PPIL2: variants seen among roughly 807,000 people sequenced by gnomAD.
The protein encoded by PPIL2 is RING-type E3 ubiquitin-protein ligase PPIL2.
Under a neutral mutation model 75.2 loss-of-function variants are expected in PPIL2, and 50 were observed. The ratio of observed to expected loss-of-function variants is 0.66; its 90% CI spans 0.53 to 0.84. The LOEUF is 0.84. PPIL2 is among the 40% of genes least tolerant of loss of function. The pLI is 0.00. For missense variants in PPIL2, 590 were observed against 685.0 expected (o/e 0.86, Z 1.55); for synonymous variants, 245 against 258.8 (o/e 0.95, Z 0.51).
rs2067897894 is a variant in PPIL2, at chr22:21,695,699, C to G, written c.*209C>G. ...AGGGCCTTGGCCCTGTTTCCAGGAC[C>G]TGGCCCAGCCAGAGCCCACTGCTGG... On this transcript the variant is annotated 3_prime_UTR_variant, in exon 20 of 20. Transcript: ENST00000398831. 1 of 1,378,752 alleles carries G rather than the reference C, an allele frequency of 7.3e-7. No individual in the cohort carries two copies. Among genetic ancestry groups the G allele is most frequent in the African/African-American group, 1.5e-5 (1 of 68,214 alleles). 85.4% of individuals were successfully genotyped at this position (1,378,752 alleles called of 1,614,324 possible). A position where few individuals can be genotyped will look rare whatever the true frequency, so the allele number is the denominator to read the frequency against.
At chr22:21,686,673 G>T in intron 11 of PPIL2, 115 bp downstream of exon 11, 3 of 1,160,900 alleles carry the variant, frequency 2.6e-6, no homozygotes, top group Non-Finnish European at 3.8e-6. Context: ...TGTCACCTGA[G>T]CCCCTAGTCC....
Position 21,693,844 on chromosome 22 carries a change from C to T in PPIL2, c.1168C>T (p.Leu390=). Residue 390 remains leucine, a synonymous_variant, in exon 16 of 20, where the codon CTG becomes TTG. Coordinates refer to ENST00000398831, the MANE Select transcript of PPIL2 (RefSeq NM_014337.4). ...FFITFRSCAY[L]DKKHTIFGRV... ...CATCACGTTTCGCTCCTGTGCCTAC[C>T]TGGACAAGAAGCATACCATCTTTGG... 6.5e-7 allele frequency: 1 copy of T among 1,548,684 alleles called. No individual in the cohort carries two copies. Among genetic ancestry groups the T allele is most frequent in the Admixed American group, 1.7e-5 (1 of 59,910 alleles).
At chr22:21,669,013 CTATTTT>C (rs2066512235) in intron 1 of PPIL2, among the ~76,000 whole-genome samples, 1 of 67,254 alleles carries the variant, frequency 1.5e-5, no homozygotes, top group African/African-American at 5.3e-5. Context: ...GCCTGGCCCT[CTATTTT>C]TTTTTTTTTT....
chr22:21,693,812 C>T lies in PPIL2; in HGVS notation c.1140-4C>T, dbSNP rs1362899323. ...CTCCCTAACCATCCAGCCCTCCTCC[C>T]CAGCTTCATCACGTTTCGCTCCTGT... On this transcript the variant is annotated splice_region_variant and splice_polypyrimidine_tract_variant and intron_variant, in intron 15 of 19. Transcript: ENST00000398831. 9.1e-6 allele frequency: 14 copies of T among 1,535,534 alleles called. No individual in the cohort carries two copies. Among genetic ancestry groups the T allele is most frequent in the Non-Finnish European group, 1.1e-5 (12 of 1,108,640 alleles).
rs139227107 is a variant in PPIL2 at position 21,675,355 on chromosome 22, G to A, written c.295+240G>A. Among the ~76,000 whole-genome samples, 644 of 152,280 alleles carry A rather than the reference G, an allele frequency of 4.2e-3. 6 individuals carry two copies. The highest frequency in any genetic ancestry group is 0.015 in the African/African-American group (610 of 41,562). ...GATTGAGACCATCCTGGCCAACATG[G>A]TAAAACCCCGTTTCTACTAAAAATA... On this transcript the variant is annotated intron_variant, in intron 6 of 19. Coordinates refer to ENST00000398831, the MANE Select transcript of PPIL2 (RefSeq NM_014337.4).
At chr22:21,677,853 G>T (rs1008226572) in intron 6 of PPIL2, among the ~76,000 whole-genome samples, 7 of 152,178 alleles carry the variant, frequency 4.6e-5, no homozygotes, top group African/African-American at 1.7e-4. Context: ...GAGGCTGCTT[G>T]TGTGTGTAGA....
Position 21,695,579 on chromosome 22 carries a change from T to G in PPIL2, c.*89T>G. On this transcript the variant is annotated 3_prime_UTR_variant, in exon 20 of 20. Coordinates refer to ENST00000398831, the MANE Select transcript of PPIL2 (RefSeq NM_014337.4). ...CATTTCCAGCCTTTCTAGCCTGCCC[T>G]CTGCTGCCAGCCAATAAATTGCTTG... 1 of 1,533,950 alleles carries G rather than the reference T, an allele frequency of 6.5e-7. No homozygotes were observed. Among genetic ancestry groups the G allele is most frequent in the Non-Finnish European group, 8.8e-7 (1 of 1,138,788 alleles).
At position 21,697,195 on chromosome 22, in the gene PPIL2, G is replaced by A; in HGVS notation, c.*1705G>A. ...GGGCCTGCAGAGGAGGGGCACAGTA[G>A]GACACAGTGACTGCCCAGGTGTCCA... is the stretch of plus-strand genomic sequence containing the variant. On this transcript the variant is annotated 3_prime_UTR_variant, in exon 20 of 20. Coordinates refer to ENST00000398831, the MANE Select transcript of PPIL2 (RefSeq NM_014337.4). 1 of 596,268 alleles carries A rather than the reference G, an allele frequency of 1.7e-6. No homozygotes were observed. The highest frequency in any genetic ancestry group is 3.0e-6 in the Non-Finnish European group (1 of 338,430). The allele number at this position is 596,268 out of a possible 1,614,324, so 36.9% of individuals were successfully genotyped here.
chr22:21,695,774 TCCC>T lies in PPIL2; in HGVS notation c.*286_*288del, dbSNP rs2067901389. ...TACACCCAGGCTGGTGCCTCAGGCC[TCCC>T]CTCTAGTAGGCAGGCCAGGTTAGTG... On this transcript the variant is annotated 3_prime_UTR_variant, in exon 20 of 20. Coordinates refer to ENST00000398831, the MANE Select transcript of PPIL2 (RefSeq NM_014337.4). 7.8e-7 allele frequency: 1 copy of T among 1,283,200 alleles called. No individual in the cohort carries two copies. Among genetic ancestry groups the T allele is most frequent in the South Asian group, 1.6e-5 (1 of 62,872 alleles). The allele number at this position is 1,283,200 out of a possible 1,614,324, so 79.5% of individuals were successfully genotyped here.
chr22:21,668,176 A>T (rs200713364), intron 1 of PPIL2, among the ~76,000 whole-genome samples: 1 of 147,316 alleles, frequency 6.8e-6, no homozygotes, highest in Non-Finnish European at 1.5e-5. Flanking sequence ...AAGTCCCCCC[A>T]CTGGCTAAGC....
intron 6 of PPIL2, among the ~76,000 whole-genome samples, chr22:21,678,057 CAG>C (rs2066953377): frequency 6.6e-6 from 1 of 152,038 alleles, no homozygotes; most frequent in Non-Finnish European, 1.5e-5. Context: ...GCGGTGGAAG[CAG>C]GGGATGTGGT....
intron 6 of PPIL2, among the ~76,000 whole-genome samples, chr22:21,677,698 CGGGAGA>C (rs982911187): frequency 4.0e-5 from 3 of 74,264 alleles, no homozygotes; most frequent in Admixed American, 2.8e-4. Flanking sequence ...GGAGCGGGAG[CGGGAGA>C]GGGAGAGGGA....
At position 21,681,266 on chromosome 22, in the gene PPIL2, T is replaced by C. The variant is rs55831940; in HGVS notation, c.296-33T>C. On this transcript the variant is annotated intron_variant, in intron 6 of 19. Coordinates refer to ENST00000398831, the MANE Select transcript of PPIL2 (RefSeq NM_014337.4). ...CTGGGATGTTCACAGCCCACAGAGG[T>C]GACTGGCCTCCCTGTGTGTGCCTTC... 13,881 of 1,543,896 alleles carry C rather than the reference T, an allele frequency of 9.0e-3. 94 individuals carry two copies. Among genetic ancestry groups the C allele is most frequent in the Non-Finnish European group, 0.011 (12,492 of 1,116,278 alleles).
Position 21,688,747 on chromosome 22 carries a change from G to A in PPIL2, c.1037G>A (p.Trp346Ter), listed in dbSNP as rs1003918789. The A allele has an allele frequency of 6.2e-7, 1 of 1,614,188 alleles. No homozygotes were observed. Among genetic ancestry groups the A allele is most frequent in the Non-Finnish European group, 8.5e-7 (1 of 1,180,004 alleles). The change falls in exon 15 of 20, where the codon TGG becomes TAG. Residue 346 changes from tryptophan (W) to a stop codon, truncating the protein, a stop_gained. Transcript: ENST00000398831. LOFTEE classifies it high-confidence loss of function. ...TGTGTGGESY[W>*]GKPFKDEFRP... ...TCTCTTCCAGGTGGGGAGTCATACT[G>A]GGGGAAGCCCTTCAAAGACGAGTTC...
At position 21,696,903 on chromosome 22, in the gene PPIL2, G is replaced by A. The variant is rs2067960480; in HGVS notation, c.*1413G>A. The A allele has an allele frequency of 6.3e-7, 1 of 1,594,236 alleles. No homozygotes were observed. Among genetic ancestry groups the A allele is most frequent in the Non-Finnish European group, 8.5e-7 (1 of 1,171,000 alleles). ...GCCACAGGCTGCCTGATGACCACTAGAGGTATGTCTGCCCCTCGTCACCCT... is the reference window on the plus strand; with the variant it reads ...GCCACAGGCTGCCTGATGACCACTAAAGGTATGTCTGCCCCTCGTCACCCT... On this transcript the variant is annotated 3_prime_UTR_variant, in exon 20 of 20. Coordinates refer to ENST00000398831, the MANE Select transcript of PPIL2 (RefSeq NM_014337.4).
chr22:21,685,800 A>T (rs1404003089), intron 10 of PPIL2: 1 of 373,166 alleles, frequency 2.7e-6, no homozygotes, highest in Non-Finnish European at 5.2e-6. Context: ...ATGATAAAAA[A>T]TAACATTTAT....
rs762769674 is a variant in PPIL2 at position 21,695,452 on chromosome 22, A to C, written c.1525A>C (p.Lys509Gln). ...TGCCACTGTCCCCATGTCCAAGAAG[A>C]AGCCCAGTCGGGGTTTTGGGGACTT... ...TSATVPMSKK[K>Q]PSRGFGDFSS... Residue 509 changes from lysine to glutamine, a missense_variant, in exon 20 of 20, where the codon AAG becomes CAG. Transcript: ENST00000398831. 10 of 1,609,374 alleles carry C rather than the reference A, an allele frequency of 6.2e-6. No homozygotes were observed. Among genetic ancestry groups the C allele is most frequent in the Non-Finnish European group, 8.5e-6 (10 of 1,177,772 alleles).
In PPIL2 at chr22:21,696,215, C is replaced by T; in HGVS notation, c.*725C>T. ...GCAGCATTGAGTTTCCTGCCGTGCCCTGCCTGAGCTCTCAGGGCCCTGCTC... is the reference window on the plus strand; with the variant it reads ...GCAGCATTGAGTTTCCTGCCGTGCCTTGCCTGAGCTCTCAGGGCCCTGCTC... On this transcript the variant is annotated 3_prime_UTR_variant, in exon 20 of 20. Transcript: ENST00000398831. 4.0e-6 allele frequency: 4 copies of T among 1,004,298 alleles called. No homozygotes were observed. The highest frequency in any genetic ancestry group is 4.8e-6 in the Non-Finnish European group (4 of 840,384). The allele number at this position is 1,004,298 out of a possible 1,614,324, so 62.2% of individuals were successfully genotyped here.
chr22:21,696,199 A>C lies in PPIL2; in HGVS notation c.*709A>C. On this transcript the variant is annotated 3_prime_UTR_variant, in exon 20 of 20. Coordinates refer to ENST00000398831, the MANE Select transcript of PPIL2 (RefSeq NM_014337.4). ...AGGCTGGTGTTGGACGGCAGCATTG[A>C]GTTTCCTGCCGTGCCCTGCCTGAGC... is the stretch of plus-strand genomic sequence containing the variant. 1 of 1,001,532 alleles carries C rather than the reference A, an allele frequency of 1.0e-6. No individual in the cohort carries two copies. The highest frequency in any genetic ancestry group is 1.2e-6 in the Non-Finnish European group (1 of 838,820). The allele number at this position is 1,001,532 out of a possible 1,614,324, so 62.0% of individuals were successfully genotyped here. A position where few individuals can be genotyped will look rare whatever the true frequency, so the allele number is the denominator to read the frequency against.
Sources: gnomAD v4.1 joint callset for allele counts (sites outside exome capture counted in the v4.1 genomes callset) on GRCh38, gnomAD v4.1.1 for gene constraint, MANE v1.5 for transcripts, NCBI Gene and HGNC (gene_info 2026-07-23, HGNC 2026-07-21) for gene names.